PLEKHG1: variants seen among roughly 807,000 people sequenced by gnomAD.
The protein encoded by PLEKHG1 is pleckstrin homology and RhoGEF domain containing G1, also known as pleckstrin homology domain-containing family G member 1.
PLEKHG1 carries 44 observed loss-of-function variants against 100.8 expected under a neutral mutation model. The observed-to-expected ratio is 0.44, with a 90% CI of 0.34 to 0.56. PLEKHG1 has a LOEUF of 0.56. Ranked by LOEUF, PLEKHG1 falls within the 20% of genes least tolerant of loss-of-function variation. The pLI, the probability that PLEKHG1 is intolerant of heterozygous loss-of-function variation, is 0.01. For missense variants in PLEKHG1, 1,545 were observed against 1,720.9 expected (o/e 0.90, Z 1.81); for synonymous variants, 640 against 662.5 (o/e 0.97, Z 0.52).
chr6:150,725,200 A>G (rs1246619287), intron 1 of PLEKHG1, among the ~76,000 whole-genome samples: 6 of 152,106 alleles, frequency 3.9e-5, no homozygotes, highest in Non-Finnish European at 7.4e-5. Flanking sequence ...TGGCAGAAGG[A>G]GCAAACAAGC....
chr6:150,610,460 A>G (rs1776777710), intron 1 of PLEKHG1, among the ~76,000 whole-genome samples: 2 of 152,218 alleles, frequency 1.3e-5, no homozygotes, highest in Admixed American at 6.5e-5. Flanking sequence ...ACCTTCCCTC[A>G]CTAGACTACA....
At chr6:150,620,978 T>C (rs538295026) in intron 1 of PLEKHG1, among the ~76,000 whole-genome samples, 1 of 152,328 alleles carries the variant, frequency 6.6e-6, no homozygotes, top group East Asian at 1.9e-4. Flanking sequence ...TTATCCTGCC[T>C]CTGACAACAA....
intron 3 of PLEKHG1, among the ~76,000 whole-genome samples, chr6:150,654,187 G>C (rs1778869746): frequency 6.6e-6 from 1 of 152,220 alleles, no homozygotes; most frequent in Non-Finnish European, 1.5e-5. Flanking sequence ...CATGTTCCAA[G>C]GCACGTCCAG....
chr6:150,778,719 T>C (rs891102477), intron 3 of PLEKHG1, among the ~76,000 whole-genome samples: 3 of 152,220 alleles, frequency 2.0e-5, no homozygotes, highest in African/African-American at 7.2e-5. Context: ...ATCCAGTCTT[T>C]TAGCAATTGC....
intron 15 of PLEKHG1, among the ~76,000 whole-genome samples, chr6:150,838,059 G>C (rs1477946829): frequency 6.6e-6 from 1 of 152,134 alleles, no homozygotes; most frequent in Admixed American, 6.5e-5. Context: ...ACAATAACAG[G>C]TTGTTTCTCT....
chr6:150,815,440 A>T (rs1583185840), intron 10 of PLEKHG1, among the ~76,000 whole-genome samples: 1 of 152,378 alleles, frequency 6.6e-6, no homozygotes, highest in East Asian at 1.9e-4. Context: ...GCCCATTAGT[A>T]TATGTGGTAA....
chr6:150,742,885 G>A (rs562673771), intron 2 of PLEKHG1, among the ~76,000 whole-genome samples: 1 of 152,280 alleles, frequency 6.6e-6, no homozygotes, highest in East Asian at 1.9e-4. Context: ...CAAGGACCCA[G>A]GCTGAGGAGG....
At position 150,724,558 on chromosome 6, in the gene PLEKHG1, C is replaced by CTTTTTTTTTTTT. The variant is rs34140367; in HGVS notation, c.-99+3366_-99+3377dup. Among the ~76,000 whole-genome samples the CTTTTTTTTTTTT allele has an allele frequency of 9.8e-4, 98 of 100,462 alleles. 1 individual carries two copies. Among genetic ancestry groups the CTTTTTTTTTTTT allele is most frequent in the African/African-American group, 3.6e-3 (92 of 25,882 alleles). 65.9% of individuals were successfully genotyped at this position (100,462 alleles called of 152,430 possible). Reference sequence around the variant, plus strand: ...TTTCTTTCTTTTCTTTTTTCTTTTTCTTTTTTTTTTTTTTTTTTTGAGATG... The same window carrying CTTTTTTTTTTTT: ...TTTCTTTCTTTTCTTTTTTCTTTTTCTTTTTTTTTTTTTTTTTTTTTTTTTTTTTTTGAGATG... On this transcript the variant is annotated intron_variant, in intron 1 of 15. Transcript: ENST00000358517.
chr6:150,802,319 A>G (rs1245975288), intron 6 of PLEKHG1, among the ~76,000 whole-genome samples: 1 of 151,578 alleles, frequency 6.6e-6, no homozygotes, highest in Admixed American at 6.7e-5. Flanking sequence ...TCAGTGTCCA[A>G]ATAACTCTTA....
rs570098044 is a variant in PLEKHG1, at chr6:150,800,052, C to T, written c.630-667C>T. ...ACTTTTGGAACACCCTCATCTGAGG[C>T]GCACTCCGTAGGAGCAAGACTATCT... is the stretch of plus-strand genomic sequence containing the variant. On this transcript the variant is annotated intron_variant, in intron 5 of 15. Transcript: ENST00000358517. Among the ~76,000 whole-genome samples, 6 of 152,288 alleles carry T rather than the reference C, an allele frequency of 3.9e-5. No homozygotes were observed. In the South Asian group the frequency reaches 6.2e-4, roughly 16 times the overall value.
intron 2 of PLEKHG1, among the ~76,000 whole-genome samples, chr6:150,762,497 C>T (rs1021989718): frequency 6.6e-6 from 1 of 152,044 alleles, no homozygotes; most frequent in Non-Finnish European, 1.5e-5. Flanking sequence ...CTGTGCCCGG[C>T]CCAACCCTCT....
chr6:150,733,817 G>A (rs765742497), exon 2 of PLEKHG1: 3 of 1,614,210 alleles, frequency 1.9e-6, no homozygotes, highest in African/African-American at 2.7e-5. Flanking sequence ...GTTTAACCAG[G>A]ATAAGGAGGT....
intron 3 of PLEKHG1, among the ~76,000 whole-genome samples, chr6:150,655,524 C>T (rs935186952): frequency 7.9e-5 from 12 of 151,774 alleles, no homozygotes; most frequent in African/African-American, 2.4e-4. Flanking sequence ...CTGGCTAACA[C>T]GATGAAACCC....
At chr6:150,788,540 G>T (rs898143404) in intron 4 of PLEKHG1, among the ~76,000 whole-genome samples, 2 of 152,184 alleles carry the variant, frequency 1.3e-5, no homozygotes, top group African/African-American at 4.8e-5. Context: ...GATGCTCATG[G>T]AAGAATGAAC....
chr6:150,610,333 C>T (rs1174882769), intron 1 of PLEKHG1, among the ~76,000 whole-genome samples: 2 of 152,216 alleles, frequency 1.3e-5, no homozygotes, highest in African/African-American at 4.8e-5. Flanking sequence ...AACTCCCGAC[C>T]TTAAGTGATC....
At chr6:150,821,704 T>C (rs1015099438) in intron 13 of PLEKHG1, among the ~76,000 whole-genome samples, 1 of 151,716 alleles carries the variant, frequency 6.6e-6, no homozygotes, top group Non-Finnish European at 1.5e-5. Flanking sequence ...AATAATAAAA[T>C]TTAAAATAAA....
intron 3 of PLEKHG1, among the ~76,000 whole-genome samples, chr6:150,674,956 TGCAGGTGTGA>T (rs1779709182): frequency 1.3e-5 from 2 of 152,188 alleles, no homozygotes; most frequent in African/African-American, 4.8e-5. Context: ...GTGCTGGGAT[TGCAGGTGTGA>T]GCCACCATGC....
chr6:150,624,529 G>A (rs1397811242), intron 1 of PLEKHG1: 1 of 152,218 alleles, frequency 6.6e-6, no homozygotes, highest in Non-Finnish European at 1.5e-5. Context: ...AAGTACAGTA[G>A]GGTGATGATT....
rs148493017 is a variant in PLEKHG1, at chr6:150,672,371, C to A, written c.-99+21585C>A. Among the ~76,000 whole-genome samples, 142 of 152,304 alleles carry A rather than the reference C, an allele frequency of 9.3e-4. No homozygotes were observed. The East Asian group carries it at 0.022, about 23-fold the overall frequency. ...GTGCAAAGTCTAGCAGTTGCTGCTA[C>A]CTCCTCTGCTTTCCTCGATGTCCCG... On this transcript the variant is annotated intron_variant, in intron 3 of 3. Transcript: ENST00000367326.
Sources: gnomAD v4.1 joint callset for allele counts (sites outside exome capture counted in the v4.1 genomes callset) on GRCh38, gnomAD v4.1.1 for gene constraint, MANE v1.5 for transcripts, NCBI Gene and HGNC (gene_info 2026-07-23, HGNC 2026-07-21) for gene names.